Variants in ANK2 observed in about 807,000 individuals in gnomAD.
ANK2 encodes the protein ankyrin 2.
Under a neutral mutation model 360.5 loss-of-function variants are expected in ANK2, and 83 were observed. That is an observed-to-expected ratio of 0.23 (90% CI 0.19 to 0.28). The LOEUF (loss-of-function observed/expected upper bound fraction) is 0.28. ANK2 is among the 10% of genes least tolerant of loss of function. ANK2 has a pLI of 1.00. For missense variants in ANK2, 4,201 were observed against 4,795.7 expected (o/e 0.88, Z 3.66); for synonymous variants, 1,740 against 1,759.5 (o/e 0.99, Z 0.28).
At chr4:113,234,382 T>A (rs963207271) in intron 5 of ANK2, among the ~76,000 whole-genome samples, 1 of 152,248 alleles carries the variant, frequency 6.6e-6, no homozygotes, top group Non-Finnish European at 1.5e-5. Context: ...ATACCTATTA[T>A]TTGTTTCATT....
intron 2 of ANK2, among the ~76,000 whole-genome samples, chr4:113,011,374 T>C (rs575485605): frequency 6.6e-6 from 1 of 152,174 alleles, no homozygotes; most frequent in South Asian, 2.1e-4. Flanking sequence ...TTAAACTGAC[T>C]TAAGGCAGAT....
At chr4:112,943,810 A>C (rs1255587860) in intron 2 of ANK2, among the ~76,000 whole-genome samples, 1 of 152,078 alleles carries the variant, frequency 6.6e-6, no homozygotes, top group Non-Finnish European at 1.5e-5. Context: ...GGGAGAGGGT[A>C]AGGGTAGTGG....
the ANK2 span, among the ~76,000 whole-genome samples, chr4:112,811,617 T>G: frequency 6.6e-6 from 1 of 152,164 alleles, no homozygotes; most frequent in South Asian, 2.1e-4. Context: ...TAGTATCCAG[T>G]GCCTTTATCA....
At chr4:113,217,196 G>T (rs897334026) in intron 4 of ANK2, 2 of 152,042 alleles carry the variant, frequency 1.3e-5, no homozygotes, top group African/African-American at 2.4e-5. Context: ...CAAAAAGCAA[G>T]TTCTCCTTTA....
intron 2 of ANK2, among the ~76,000 whole-genome samples, chr4:112,959,947 T>C (rs867514942): frequency 6.6e-6 from 1 of 152,164 alleles, no homozygotes; most frequent in African/African-American, 2.4e-5. Flanking sequence ...CTTAGCCTAA[T>C]TGAATGTTAA....
intron 2 of ANK2, among the ~76,000 whole-genome samples, chr4:113,002,506 A>G (rs1013737314): frequency 3.9e-5 from 6 of 152,064 alleles, no homozygotes; most frequent in African/African-American, 7.2e-5. Flanking sequence ...GGTGGGAATT[A>G]AACAATGAGA....
At chr4:112,729,327 A>G in the ANK2 span, among the ~76,000 whole-genome samples, 1 of 152,152 alleles carries the variant, frequency 6.6e-6, no homozygotes, top group African/African-American at 2.4e-5. Context: ...TGTCAATTTC[A>G]CTCTTGGATA....
At chr4:113,022,727 C>T (rs1490210704) in intron 2 of ANK2, among the ~76,000 whole-genome samples, 1 of 152,176 alleles carries the variant, frequency 6.6e-6, no homozygotes, top group African/African-American at 2.4e-5. Context: ...GCAAAGACTT[C>T]ATATCACTTT....
At chr4:112,774,452 C>T in the ANK2 span, among the ~76,000 whole-genome samples, 14,838 of 152,082 alleles carry the variant, frequency 0.098, 870 homozygotes, top group Middle Eastern at 0.14. Flanking sequence ...CGTGAACCCG[C>T]GTGGCAGAGC....
the ANK2 span, among the ~76,000 whole-genome samples, chr4:112,801,760 G>C: frequency 6.6e-6 from 1 of 152,154 alleles, no homozygotes; most frequent in Non-Finnish European, 1.5e-5. Context: ...AAGAGATGAA[G>C]CAGAGAGATA....
In ANK2 at chr4:112,859,966, G is replaced by A. The variant is rs535260740; in HGVS notation, c.-40+41702G>A. ...TGATCACTGCTCTGCCAGCAATACA[G>A]TGACCATTCTCTACTAAATAAGGGG... On this transcript the variant is annotated intron_variant, in intron 1 of 30. Coordinates refer to the ANK2 transcript ENST00000503271. 2.3e-4 allele frequency among the ~76,000 whole-genome samples: 35 copies of A among 152,362 alleles called. 1 individual carries two copies. In the South Asian group the frequency reaches 7.2e-3, roughly 32 times the overall value.
In ANK2 at chr4:113,383,278, G is replaced by C. The variant is rs2097199110; in HGVS notation, c.*1807G>C. The C allele has an allele frequency of 6.6e-6, 1 of 152,562 alleles. No individual in the cohort carries two copies. The highest frequency in any genetic ancestry group is 2.4e-5 in the African/African-American group (1 of 41,422). 9.5% of individuals were successfully genotyped at this position (152,562 alleles called of 1,614,324 possible). A position where few individuals can be genotyped will look rare whatever the true frequency, so the allele number is the denominator to read the frequency against. On this transcript the variant is annotated 3_prime_UTR_variant, in exon 46 of 46. Coordinates refer to ENST00000357077, the MANE Select transcript of ANK2 (RefSeq NM_001148.6). ...AGAGAAAAAATTTCCTGGGAGGGAG[G>C]TTTCCCACAAGCCAAATCTCCTAAG...
At chr4:113,224,303 A>G (rs1045422482) in intron 4 of ANK2, among the ~76,000 whole-genome samples, 1 of 152,246 alleles carries the variant, frequency 6.6e-6, no homozygotes, top group Admixed American at 6.5e-5. Flanking sequence ...CCTTTATGTA[A>G]CAAATATTTA....
rs2095192050 is a variant in ANK2, at chr4:113,119,541, A to G, written c.85-54875A>G. Among the ~76,000 whole-genome samples the G allele has an allele frequency of 3.3e-5, 5 of 152,166 alleles. No homozygotes were observed. The South Asian group carries it at 8.3e-4, about 25-fold the overall frequency. ...AGAAATGAAAAAAAAATGGTAGCCT[A>G]TTAGTGGCATTCTGGAATACCATCT... is the stretch of plus-strand genomic sequence containing the variant. On this transcript the variant is annotated intron_variant, in intron 1 of 45. Coordinates refer to ENST00000357077, the MANE Select transcript of ANK2 (RefSeq NM_001148.6).
intron 32 of ANK2, among the ~76,000 whole-genome samples, chr4:113,341,412 G>C (rs1013550101): frequency 1.2e-4 from 19 of 152,124 alleles, no homozygotes; most frequent in Non-Finnish European, 2.6e-4. Context: ...TTCCAAAAAA[G>C]AAAATTAGAA....
chr4:113,150,613 T>A (rs1348574620), intron 1 of ANK2, among the ~76,000 whole-genome samples: 1 of 152,164 alleles, frequency 6.6e-6, no homozygotes, highest in Non-Finnish European at 1.5e-5. Flanking sequence ...GGACTTTGAA[T>A]ATTGTGTTCC....
intron 7 of ANK2, among the ~76,000 whole-genome samples, chr4:113,237,983 T>G (rs547250097): frequency 6.6e-6 from 1 of 152,292 alleles, no homozygotes; most frequent in South Asian, 2.1e-4. Context: ...AAGTGAAAAT[T>G]TGGGAGGTTT....
chr4:113,311,182 C>G (rs1253705489), intron 23 of ANK2, 73 bp from the exon 24 acceptor site: 2 of 1,589,422 alleles, frequency 1.3e-6, no homozygotes, highest in Non-Finnish European at 1.7e-6. Context: ...ATGCATTTCA[C>G]AATCATGACC....
At position 113,356,966 on chromosome 4, in the gene ANK2, G is replaced by A. The variant is rs1439539868; in HGVS notation, c.8348G>A (p.Ser2783Asn). 3 of 1,614,060 alleles carry A rather than the reference G, an allele frequency of 1.9e-6. No individual in the cohort carries two copies. In the South Asian group the frequency reaches 3.3e-5, roughly 18 times the overall value. Residue 2783 changes from serine to asparagine, a missense_variant, in exon 38 of 46, where the codon AGC becomes AAC. Ser to Asn is a conservative substitution (Grantham distance 46, BLOSUM62 1). Transcript: ENST00000357077. ...CATGGATGTGAGGCCATGAGTCCTAGCAGCTCAGCTGCTCCTGTCTCTTCA... is the reference window on the plus strand; with the variant it reads ...CATGGATGTGAGGCCATGAGTCCTAACAGCTCAGCTGCTCCTGTCTCTTCA... ...DGHGCEAMSPSSSAAPVSSGL... is the reference protein window; with the variant it reads ...DGHGCEAMSPNSSAAPVSSGL...
Sources: allele counts gnomAD v4.1 joint callset (sites outside exome capture counted in the v4.1 genomes callset), GRCh38; gene constraint gnomAD v4.1.1; transcripts MANE v1.5; gene names NCBI Gene and HGNC (gene_info 2026-07-23, HGNC 2026-07-21).